ST8SIA4: variants seen among roughly 807,000 people sequenced by gnomAD.
ST8SIA4 encodes the protein CMP-N-acetylneuraminate-poly-alpha-2,8-sialyltransferase.
Under a neutral mutation model 33.9 loss-of-function variants are expected in ST8SIA4, and 15 were observed. That is an observed-to-expected ratio of 0.44 (90% CI 0.30 to 0.68). The LOEUF is 0.68. ST8SIA4 is among the 30% of genes least tolerant of loss of function. The pLI, the probability that ST8SIA4 is intolerant of heterozygous loss-of-function variation, is 0.10. For synonymous variants in ST8SIA4, 171 were observed against 151.2 expected, an observed-to-expected ratio of 1.13 and a Z score of -0.96; for missense variants, 321 against 428.0, an observed-to-expected ratio of 0.75 and a Z score of 2.21.
At chr5:100,845,418 T>C (rs570402606) in intron 4 of ST8SIA4, among the ~76,000 whole-genome samples, 2 of 151,672 alleles carry the variant, frequency 1.3e-5, no homozygotes, top group South Asian at 4.1e-4. Context: ...TTTTACTATA[T>C]ATAAGAAATC....
rs902483884 is a variant in ST8SIA4 at position 100,811,139 on chromosome 5, T to C, written c.*708A>G. ...TTGCAGTGAGCTGAGATCGCGCCACTGTACTCCAGCCTGGGCAACAGAGCG... is the reference window on the plus strand; with the variant it reads ...TTGCAGTGAGCTGAGATCGCGCCACCGTACTCCAGCCTGGGCAACAGAGCG... On this transcript the variant is annotated 3_prime_UTR_variant, in exon 5 of 5. Coordinates refer to ENST00000231461, the MANE Select transcript of ST8SIA4 (RefSeq NM_005668.6). The C allele has an allele frequency of 6.7e-6, 1 of 148,212 alleles. No homozygotes were observed. Among genetic ancestry groups the C allele is most frequent in the East Asian group, 2.0e-4 (1 of 5,030 alleles). The allele number at this position is 148,212 out of a possible 1,614,324, so 9.2% of individuals were successfully genotyped here. A position where few individuals can be genotyped will look rare whatever the true frequency, so the allele number is the denominator to read the frequency against.
chr5:100,891,937 G>A (rs1471395156), intron 2 of ST8SIA4, among the ~76,000 whole-genome samples: 1 of 151,932 alleles, frequency 6.6e-6, no homozygotes, highest in Non-Finnish European at 1.5e-5. Flanking sequence ...GTAAATCTAT[G>A]TATGCAATAG....
intron 4 of ST8SIA4, among the ~76,000 whole-genome samples, chr5:100,839,315 C>A (rs952650494): frequency 2.6e-5 from 4 of 151,982 alleles, no homozygotes; most frequent in Middle Eastern, 3.4e-3. Flanking sequence ...TAATATGGCA[C>A]ACCATCAATC....
chr5:100,885,027 C>T (rs542236347), intron 3 of ST8SIA4, among the ~76,000 whole-genome samples: 1 of 128,926 alleles, frequency 7.8e-6, no homozygotes, highest in East Asian at 1.9e-4. Context: ...TTTGTTTTAC[C>T]TGACTTATGA....
At position 100,903,019 on chromosome 5, in the gene ST8SIA4, C is replaced by A. The variant is rs28617677; in HGVS notation, c.-64G>T. On this transcript the variant is annotated 5_prime_UTR_variant, in exon 1 of 5. Coordinates refer to ENST00000231461, the MANE Select transcript of ST8SIA4 (RefSeq NM_005668.6). ...GCACCTTCTCTTGATATAAAGGCTC[C>A]GTTTTGGGGAGATAGTCGCGGGGGT... 159 of 1,176,732 alleles carry A rather than the reference C, an allele frequency of 1.4e-4. No homozygotes were observed. The African/African-American group carries it at 2.1e-3, about 16-fold the overall frequency. The allele number at this position is 1,176,732 out of a possible 1,614,324, so 72.9% of individuals were successfully genotyped here. A position where few individuals can be genotyped will look rare whatever the true frequency, so the allele number is the denominator to read the frequency against.
At chr5:100,835,754 CCTATCCCCA>C (rs2112418891) in intron 4 of ST8SIA4, among the ~76,000 whole-genome samples, 2 of 152,252 alleles carry the variant, frequency 1.3e-5, no homozygotes, top group South Asian at 4.1e-4. Flanking sequence ...TTGGAATGGA[CCTATCCCCA>C]CTTTGGGGGA....
intron 4 of ST8SIA4, chr5:100,849,101 T>G: frequency 1.1e-6 from 1 of 943,372 alleles, no homozygotes; most frequent in Non-Finnish European, 1.3e-6. Context: ...TACCAAAAAT[T>G]TAATGAACCT....
Position 100,856,185 on chromosome 5 carries a change from A to G in ST8SIA4, c.715T>C (p.Trp239Arg). Residue 239 changes from tryptophan (W) to arginine (R), a missense_variant, in exon 4 of 5, where the codon TGG becomes CGG. By Grantham distance (101) the Trp-to-Arg change is moderately radical (BLOSUM62 -3). Coordinates refer to ENST00000231461, the MANE Select transcript of ST8SIA4 (RefSeq NM_005668.6). The stretch of plus-strand genomic sequence containing the variant: ...TTCTTAAGGATTAATGCATTAACCC[A>G]CTCCACGTGCTTCTCTCCTCCTTTG... ...MVKGGEKHVE[W>R]VNALILKNKL... 1 of 1,614,076 alleles carries G rather than the reference A, an allele frequency of 6.2e-7. No individual in the cohort carries two copies. Among genetic ancestry groups the G allele is most frequent in the Non-Finnish European group, 8.5e-7 (1 of 1,179,978 alleles).
intron 4 of ST8SIA4, among the ~76,000 whole-genome samples, chr5:100,827,912 C>T (rs1460265916): frequency 6.6e-6 from 1 of 152,204 alleles, no homozygotes; most frequent in Admixed American, 6.5e-5. Context: ...GCACTTTGCC[C>T]TGATGCCATG....
At chr5:100,844,435 T>C (rs567129991) in intron 4 of ST8SIA4, among the ~76,000 whole-genome samples, 4 of 151,972 alleles carry the variant, frequency 2.6e-5, no homozygotes, top group African/African-American at 9.6e-5. Flanking sequence ...GTGGGGAACA[T>C]AGAATAACCC....
intron 4 of ST8SIA4, among the ~76,000 whole-genome samples, chr5:100,840,755 C>T (rs920995141): frequency 1.0e-4 from 15 of 150,002 alleles, no homozygotes; most frequent in Admixed American, 8.1e-4. Context: ...TTTCTTATAA[C>T]ATTCTTGTCT....
At chr5:100,884,344 T>C (rs1752491014) in intron 3 of ST8SIA4, among the ~76,000 whole-genome samples, 1 of 152,160 alleles carries the variant, frequency 6.6e-6, no homozygotes, top group Non-Finnish European at 1.5e-5. Flanking sequence ...GTGAAGGCAA[T>C]ACCATCAAGT....
intron 4 of ST8SIA4, among the ~76,000 whole-genome samples, chr5:100,843,266 A>G (rs1356803393): frequency 6.6e-6 from 1 of 151,930 alleles, no homozygotes; most frequent in Non-Finnish European, 1.5e-5. Flanking sequence ...GAGAATGGGA[A>G]AAGCAATATA....
At chr5:100,869,592 A>G (rs1752152870) in intron 3 of ST8SIA4, among the ~76,000 whole-genome samples, 1 of 152,080 alleles carries the variant, frequency 6.6e-6, no homozygotes, top group African/African-American at 2.4e-5. Context: ...AAGTGTGAAT[A>G]TGCTCATGTT....
intron 3 of ST8SIA4, among the ~76,000 whole-genome samples, chr5:100,874,980 C>T (rs1447956672): frequency 6.6e-6 from 1 of 152,066 alleles, no homozygotes; most frequent in African/African-American, 2.4e-5. Flanking sequence ...AAAATAATAT[C>T]AATTGGACAA....
chr5:100,877,560 G>A (rs1056144721), intron 3 of ST8SIA4, among the ~76,000 whole-genome samples: 2 of 152,068 alleles, frequency 1.3e-5, no homozygotes, highest in Admixed American at 1.3e-4. Flanking sequence ...ACAATGAAGT[G>A]ACTGGTTTAT....
chr5:100,810,344 G>C lies in ST8SIA4; in HGVS notation c.*1503C>G, dbSNP rs928171158. On this transcript the variant is annotated 3_prime_UTR_variant, in exon 5 of 5. Transcript: ENST00000231461. Reference sequence around the variant, plus strand: ...ACACAATTTCACTGTTAAACCTCTTGAAATTAATCATCTCTGTTTTGAAAA... The same window carrying C: ...ACACAATTTCACTGTTAAACCTCTTCAAATTAATCATCTCTGTTTTGAAAA... The C allele has an allele frequency of 5.0e-5, 6 of 120,304 alleles. No individual in the cohort carries two copies. Among genetic ancestry groups the C allele is most frequent in the African/African-American group, 1.7e-4 (6 of 35,842 alleles). 7.5% of individuals were successfully genotyped at this position (120,304 alleles called of 1,614,324 possible).
chr5:100,821,965 C>T (rs1751040877), intron 4 of ST8SIA4, among the ~76,000 whole-genome samples: 1 of 152,176 alleles, frequency 6.6e-6, no homozygotes, highest in African/African-American at 2.4e-5. Context: ...AACTTCCCAG[C>T]TGAGGAAAAC....
At chr5:100,885,583 T>G (rs774635108) in intron 3 of ST8SIA4, 300 of 931,740 alleles carry the variant, frequency 3.2e-4, no homozygotes, top group Non-Finnish European at 3.5e-4. Context: ...TCCATGTTTC[T>G]GTCATTTAGC....
Sources: gnomAD v4.1 joint callset for allele counts (sites outside exome capture counted in the v4.1 genomes callset) on GRCh38, gnomAD v4.1.1 for gene constraint, MANE v1.5 for transcripts, NCBI Gene and HGNC (gene_info 2026-07-23, HGNC 2026-07-21) for gene names.